The following TNIP1 variants were observed in gnomAD, a reference collection of about 807,000 sequenced individuals.
TNIP1 encodes TNFAIP3-interacting protein 1.
In TNIP1, 22 loss-of-function variants were observed where a neutral mutation model predicts 86.6. That is an observed-to-expected ratio of 0.25 (90% CI 0.18 to 0.36). The LOEUF (loss-of-function observed/expected upper bound fraction) is 0.36. Among genes scored for constraint, TNIP1 ranks in the 10% least tolerant of loss-of-function variants. The pLI is 1.00. For missense variants in TNIP1, 709 were observed against 820.6 expected (o/e 0.86, Z 1.66); for synonymous variants, 294 against 313.0 (o/e 0.94, Z 0.64).
intron 11 of TNIP1, among the ~76,000 whole-genome samples, chr5:151,041,660 C>T (rs1341951362): frequency 1.3e-5 from 2 of 152,236 alleles, no homozygotes; most frequent in Non-Finnish European, 2.9e-5. Flanking sequence ...AGCCACCCAA[C>T]CCGGCCTTCT....
In TNIP1 at chr5:151,065,656, G is replaced by A. The variant is rs557929757; in HGVS notation, c.-36-525C>T. 4.6e-5 allele frequency among the ~76,000 whole-genome samples: 7 copies of A among 152,242 alleles called. No individual in the cohort carries two copies. In the East Asian group the frequency reaches 1.2e-3, roughly 25 times the overall value. The stretch of plus-strand genomic sequence containing the variant: ...GAAATGAAAGTCTTAAGTTAATTTA[G>A]TAATCTTTAAAGTGAAATGCTTGTA... On this transcript the variant is annotated intron_variant, in intron 1 of 17. Coordinates refer to ENST00000521591, the MANE Select transcript of TNIP1 (RefSeq NM_006058.5).
intron 15 of TNIP1, 115 bp from the exon 16 acceptor site, chr5:151,033,914 A>G: frequency 1.1e-6 from 1 of 936,984 alleles, no homozygotes; most frequent in East Asian, 3.1e-5. Context: ...TGGGTACCAA[A>G]GGCTGGTATG....
chr5:151,043,852 T>TC (rs1758778672), intron 9 of TNIP1, among the ~76,000 whole-genome samples: 1 of 151,624 alleles, frequency 6.6e-6, no homozygotes, highest in African/African-American at 2.4e-5. Flanking sequence ...AAGATGACAC[T>TC]ATCCACCATA....
chr5:151,058,131 G>A (rs186264135), intron 5 of TNIP1, among the ~76,000 whole-genome samples: 16 of 152,302 alleles, frequency 1.1e-4, no homozygotes, highest in Non-Finnish European at 2.4e-4. Flanking sequence ...ACAATGGCCA[G>A]GCTGGTCTTG....
chr5:151,067,516 C>G (rs1042697072), intron 1 of TNIP1, among the ~76,000 whole-genome samples: 3 of 152,176 alleles, frequency 2.0e-5, no homozygotes, highest in African/African-American at 7.2e-5. Context: ...CCTGGAGCCA[C>G]CTTGCATGAC....
At chr5:151,049,741 A>G (rs548481454) in intron 8 of TNIP1, 83 bp downstream of exon 8, 1 of 1,518,390 alleles carries the variant, frequency 6.6e-7, no homozygotes, top group South Asian at 1.1e-5. Context: ...AGGAGGGAGG[A>G]GGCTCACTGT....
chr5:151,035,303 C>T (rs1197291558), intron 14 of TNIP1, among the ~76,000 whole-genome samples: 1 of 152,226 alleles, frequency 6.6e-6, no homozygotes, highest in East Asian at 1.9e-4. Context: ...ACGTGAACCT[C>T]GCTGCTTCTC....
intron 5 of TNIP1, among the ~76,000 whole-genome samples, chr5:151,057,363 C>T (rs1760804689): frequency 6.6e-6 from 1 of 152,226 alleles, no homozygotes; most frequent in South Asian, 2.1e-4. Context: ...CATCACTGCA[C>T]AGTCAGCCCT....
intron 5 of TNIP1, among the ~76,000 whole-genome samples, chr5:151,059,779 C>CAGAGAGAGAGAGAGAGAGAGAGAG (rs55637016): frequency 5.9e-5 from 4 of 67,330 alleles, no homozygotes; most frequent in Non-Finnish European, 1.2e-4. Context: ...GTACGAGAGA[C>CAGAGAGAGAGAGAGAGAGAGAGAG]AGAGAGAGAG....
chr5:151,059,821 GAGA>G (rs1561512878), intron 5 of TNIP1, among the ~76,000 whole-genome samples: 1 of 98,848 alleles, frequency 1.0e-5, no homozygotes, highest in African/African-American at 5.0e-5. Flanking sequence ...GAGAGAGAGA[GAGA>G]GAGAGTGTGT....
rs1035817396 is a variant in TNIP1, at chr5:151,035,816, G to T, written c.1396-109C>A. 3 of 1,458,380 alleles carry T rather than the reference G, an allele frequency of 2.1e-6. No homozygotes were observed. In the African/African-American group the frequency reaches 4.2e-5, roughly 20 times the overall value. 90.3% of individuals were successfully genotyped at this position (1,458,380 alleles called of 1,614,324 possible). ...GCTGGGGTCACAGATGGCAGAGCTG[G>T]GGGTCGCCATGGGGAGTGGGACAGC... On this transcript the variant is annotated intron_variant, in intron 13 of 17. Coordinates refer to ENST00000521591, the MANE Select transcript of TNIP1 (RefSeq NM_006058.5).
upstream of TNIP1, among the ~76,000 whole-genome samples, chr5:151,083,560 G>A (rs1764163126): frequency 6.6e-6 from 1 of 152,202 alleles, no homozygotes; most frequent in African/African-American, 2.4e-5. Flanking sequence ...GAGTGACTCA[G>A]GCAGGTGCAA....
At chr5:151,032,741 G>C in intron 16 of TNIP1, 1 of 270,972 alleles carries the variant, frequency 3.7e-6, no homozygotes, top group South Asian at 3.7e-5. Context: ...TAATGGTCCA[G>C]GGGAGAGCTG....
intron 7 of TNIP1, among the ~76,000 whole-genome samples, chr5:151,051,956 C>T (rs181753620): frequency 6.6e-6 from 1 of 152,122 alleles, no homozygotes; most frequent in Non-Finnish European, 1.5e-5. Flanking sequence ...GCTCTCAAGG[C>T]ACTCTATACA....
chr5:151,073,560 T>A (rs1011958763), intron 1 of TNIP1, among the ~76,000 whole-genome samples: 3 of 130,468 alleles, frequency 2.3e-5, no homozygotes, highest in Non-Finnish European at 3.1e-5. Flanking sequence ...TGTAACAGGA[T>A]GCTATTTTTT....
At chr5:151,076,810 G>C (rs1175654496) in intron 1 of TNIP1, among the ~76,000 whole-genome samples, 2 of 152,198 alleles carry the variant, frequency 1.3e-5, no homozygotes, top group Admixed American at 6.5e-5. Flanking sequence ...CTGATCCCAG[G>C]GGTCGGGGTC....
At position 151,049,637 on chromosome 5, in the gene TNIP1, C is replaced by G. The variant is rs564950238; in HGVS notation, c.846+187G>C. ...AAGGCTTATGAGGCCCATGAAGCCA[C>G]AGTGACTACCAGCAGCCTCTAAGCA... On this transcript the variant is annotated intron_variant, in intron 8 of 17. Transcript: ENST00000521591. Among the ~76,000 whole-genome samples, 5 of 152,180 alleles carry G rather than the reference C, an allele frequency of 3.3e-5. No individual in the cohort carries two copies. The South Asian group carries it at 1.0e-3, about 32-fold the overall frequency.
intron 1 of TNIP1, among the ~76,000 whole-genome samples, chr5:151,067,198 T>C (rs879268586): frequency 6.6e-6 from 1 of 152,230 alleles, no homozygotes; most frequent in Admixed American, 6.5e-5. Context: ...AAAGTGCAGA[T>C]GTTTCCACCG....
At chr5:151,076,163 A>G (rs1272785240) in intron 1 of TNIP1, among the ~76,000 whole-genome samples, 1 of 152,114 alleles carries the variant, frequency 6.6e-6, no homozygotes, top group African/African-American at 2.4e-5. Flanking sequence ...AATCATCAAG[A>G]ACTTCCCACA....
Sources: allele counts gnomAD v4.1 joint callset (sites outside exome capture counted in the v4.1 genomes callset), GRCh38; gene constraint gnomAD v4.1.1; transcripts MANE v1.5; gene names NCBI Gene and HGNC (gene_info 2026-07-23, HGNC 2026-07-21).